KALRN: variants seen among roughly 807,000 people sequenced by gnomAD.
The protein encoded by KALRN is kalirin.
A neutral mutation model predicts 353.7 loss-of-function variants in KALRN; 70 were observed. The ratio of observed to expected loss-of-function variants is 0.20; its 90% confidence interval spans 0.16 to 0.24. KALRN has a LOEUF of 0.24. Among genes scored for constraint, KALRN ranks in the 10% least tolerant of loss-of-function variants. The pLI, the probability that KALRN is intolerant of heterozygous loss-of-function variation, is 1.00. For missense variants in KALRN, 2,791 were observed against 3,756.7 expected (o/e 0.74, Z 6.72); for synonymous variants, 1,391 against 1,434.8 (o/e 0.97, Z 0.69).
At chr3:124,286,256 G>A (rs1408337874) in intron 5 of KALRN, among the ~76,000 whole-genome samples, 1 of 122,978 alleles carries the variant, frequency 8.1e-6, no homozygotes, top group Non-Finnish European at 1.7e-5. Context: ...TTTCTCTCTT[G>A]CTCTCTCTCT....
intron 1 of KALRN, among the ~76,000 whole-genome samples, chr3:124,087,208 G>A (rs567819473): frequency 1.9e-4 from 29 of 152,202 alleles, no homozygotes; most frequent in African/African-American, 5.1e-4. Flanking sequence ...GGCTTTAAAC[G>A]TATTTTCTTC....
chr3:124,427,541 T>C (rs2093076877), intron 15 of KALRN, among the ~76,000 whole-genome samples: 1 of 152,240 alleles, frequency 6.6e-6, no homozygotes, highest in African/African-American at 2.4e-5. Context: ...CTGCCCAGCT[T>C]AAATGGCATC....
intron 3 of KALRN, among the ~76,000 whole-genome samples, chr3:124,235,994 T>G (rs531330208): frequency 6.6e-6 from 1 of 152,040 alleles, no homozygotes; most frequent in Non-Finnish European, 1.5e-5. Context: ...AAAGAAGAGA[T>G]GAATGTAAAG....
chr3:124,503,540 A>G (rs1159226539), intron 33 of KALRN, among the ~76,000 whole-genome samples: 1 of 151,244 alleles, frequency 6.6e-6, no homozygotes, highest in Admixed American at 6.6e-5. Flanking sequence ...TGTTACTTTT[A>G]TCTGTGGTAG....
intron 1 of KALRN, chr3:124,080,219 G>A (rs2060472216): frequency 3.9e-6 from 1 of 254,758 alleles, no homozygotes; most frequent in Non-Finnish European, 8.6e-6. Context: ...GTAACTGAAA[G>A]CCCAAGAATT....
At chr3:124,681,599 A>G (rs2087775554) in intron 51 of KALRN, among the ~76,000 whole-genome samples, 1 of 148,376 alleles carries the variant, frequency 6.7e-6, no homozygotes, top group South Asian at 2.2e-4. Flanking sequence ...TATATATTAC[A>G]TATACATCCT....
chr3:124,389,501 T>G (rs2088986056), intron 11 of KALRN, among the ~76,000 whole-genome samples: 2 of 152,240 alleles, frequency 1.3e-5, no homozygotes, highest in Non-Finnish European at 2.9e-5. Flanking sequence ...CTTTATTTAT[T>G]GTAGGAGCCG....
intron 10 of KALRN, among the ~76,000 whole-genome samples, chr3:124,349,974 A>G (rs560606092): frequency 6.6e-6 from 1 of 152,298 alleles, no homozygotes; most frequent in East Asian, 1.9e-4. Context: ...GGGCCATCCC[A>G]TAGCTTTGGG....
At chr3:124,094,925 C>T (rs752080985) in intron 1 of KALRN, 2 of 1,606,324 alleles carry the variant, frequency 1.2e-6, no homozygotes, top group Non-Finnish European at 1.7e-6. Context: ...TGTGTGTATG[C>T]TTGTATGAGA....
chr3:124,097,014 C>T (rs1057449061), intron 1 of KALRN, among the ~76,000 whole-genome samples: 1 of 152,204 alleles, frequency 6.6e-6, no homozygotes, highest in East Asian at 1.9e-4. Flanking sequence ...AAGTTTTAGA[C>T]CAGTAGCTCT....
chr3:124,063,618 C>T lies in KALRN; in HGVS notation c.73+29805C>T, dbSNP rs1357652436. 2.0e-5 allele frequency among the ~76,000 whole-genome samples: 3 copies of T among 152,186 alleles called. No homozygotes were observed. In the East Asian group the frequency reaches 5.8e-4, roughly 29 times the overall value. On this transcript the variant is annotated intron_variant, in intron 1 of 59. Coordinates refer to ENST00000682506, the MANE Select transcript of KALRN (RefSeq NM_001388419.1). ...GTCAGTATTTAGCAAGATGTTAGGA[C>T]ATTTTGGAAGCAAGAAAGCCCTTCT...
rs1173789923 is a variant in KALRN, at chr3:124,210,045, G to T, written c.74-17945G>T. Among the ~76,000 whole-genome samples the T allele has an allele frequency of 2.0e-5, 3 of 152,252 alleles. No homozygotes were observed. In the East Asian group the frequency reaches 5.8e-4, roughly 29 times the overall value. ...TGGAGTTTGGAGTGAAAGAGTTGTAGGTTCAAATCTTACCTCTTCTCTGTA... is the reference window on the plus strand; with the variant it reads ...TGGAGTTTGGAGTGAAAGAGTTGTATGTTCAAATCTTACCTCTTCTCTGTA... On this transcript the variant is annotated intron_variant, in intron 1 of 59. Transcript: ENST00000682506.
intron 13 of KALRN, among the ~76,000 whole-genome samples, chr3:124,405,538 T>C (rs1207647648): frequency 6.6e-6 from 1 of 150,414 alleles, no homozygotes; most frequent in African/African-American, 2.5e-5. Context: ...AATCTCAAAA[T>C]GATAAAAGGC....
rs1240613094 is a variant in KALRN at position 124,434,205 on chromosome 3, C to T, written c.2830-102C>T. 6.7e-6 allele frequency: 5 copies of T among 748,548 alleles called. No individual in the cohort carries two copies. The East Asian group carries it at 1.3e-4, about 20-fold the overall frequency. The allele number at this position is 748,548 out of a possible 1,614,324, so 46.4% of individuals were successfully genotyped here. A position where few individuals can be genotyped will look rare whatever the true frequency, so the allele number is the denominator to read the frequency against. On this transcript the variant is annotated intron_variant, in intron 16 of 59. Transcript: ENST00000682506. ...CAAAATGGATCAGTCATTTAAAGCT[C>T]TTTAACTTCTCTGCATCTTTTCACT...
At chr3:124,295,685 A>C (rs1337340216) in intron 5 of KALRN, among the ~76,000 whole-genome samples, 1 of 152,202 alleles carries the variant, frequency 6.6e-6, no homozygotes, top group Non-Finnish European at 1.5e-5. Context: ...GCTTTTCATC[A>C]CAAGTTCTAA....
chr3:124,559,066 G>A (rs1472126339), intron 33 of KALRN, among the ~76,000 whole-genome samples: 2 of 152,234 alleles, frequency 1.3e-5, no homozygotes, highest in Non-Finnish European at 1.5e-5. Flanking sequence ...TCTGGTGAAC[G>A]TGAGAACTTT....
At chr3:124,156,391 T>G (rs540523073) in intron 1 of KALRN, among the ~76,000 whole-genome samples, 15 of 152,358 alleles carry the variant, frequency 9.8e-5, no homozygotes, top group African/African-American at 2.9e-4. Flanking sequence ...ATACTTAGTT[T>G]ACCTCTAATA....
chr3:124,340,357 A>G (rs1297012178), intron 9 of KALRN, among the ~76,000 whole-genome samples: 1 of 152,050 alleles, frequency 6.6e-6, no homozygotes, highest in Non-Finnish European at 1.5e-5. Flanking sequence ...CCCTGTCTCT[A>G]CTAAAACACA....
intron 1 of KALRN, among the ~76,000 whole-genome samples, chr3:124,201,170 C>T (rs2075906684): frequency 1.3e-5 from 2 of 152,254 alleles, no homozygotes; most frequent in South Asian, 4.1e-4. Flanking sequence ...TATAAGACAA[C>T]AGCCACCATT....
Sources: gnomAD v4.1 joint callset for allele counts (sites outside exome capture counted in the v4.1 genomes callset) on GRCh38, gnomAD v4.1.1 for gene constraint, MANE v1.5 for transcripts, NCBI Gene and HGNC (gene_info 2026-07-23, HGNC 2026-07-21) for gene names.